TRIM66: variants seen among roughly 807,000 people sequenced by gnomAD.
TRIM66 encodes tripartite motif-containing protein 66.
Under a neutral mutation model 148.2 loss-of-function variants are expected in TRIM66, and 99 were observed. The observed-to-expected ratio is 0.67, with a 90% CI of 0.57 to 0.79. TRIM66 has a LOEUF of 0.79. TRIM66 is among the 30% of genes least tolerant of loss of function. The pLI, the probability that TRIM66 is intolerant of heterozygous loss-of-function variation, is 0.00. For synonymous variants in TRIM66, 616 were observed against 635.9 expected (o/e 0.97, Z 0.47); for missense variants, 1,666 against 1,697.9 (o/e 0.98, Z 0.33).
chr11:8,624,405 T>C lies in TRIM66; in HGVS notation c.2973A>G (p.Pro991=). 6.4e-7 allele frequency: 1 copy of C among 1,551,588 alleles called. No homozygotes were observed. The change falls in exon 17 of 25, where the codon CCA becomes CCG. Residue 991 remains proline, a synonymous_variant. Coordinates refer to ENST00000646038, the MANE Select transcript of TRIM66 (RefSeq NM_001388022.1). ...GCAGAGCTGTAGACGTGCTGACCAC[T>C]GGCGCCAGTGGAGGTTTCTTCACAG... ...NLSVKKPPLA[P]VVSTSTALQQ...
At chr11:8,625,463 T>TTGTGTGTGTGTGTGTGTGTG (rs147088164) in intron 15 of TRIM66, among the ~76,000 whole-genome samples, 3,124 of 148,162 alleles carry the variant, frequency 0.021, 67 homozygotes, top group East Asian at 0.069. Context: ...CGGAGAACTA[T>TTGTGTGTGTGTGTGTGTGTG]TGTGTGTGTG....
rs2036275115 is a variant in TRIM66, at chr11:8,640,521, A to AG, written c.1853dup (p.Pro619SerfsTer18). On this transcript the variant is annotated frameshift_variant, in exon 14 of 25. Coordinates refer to ENST00000646038, the MANE Select transcript of TRIM66 (RefSeq NM_001388022.1). LOFTEE classifies it high-confidence loss of function. ...GAGGTGGGTGTGGCTGCTGTGGGGG[A>AG]GGGGGAAGGGGAGGTGGGGGATGGG... The AG allele has an allele frequency of 1.7e-6, 1 of 575,730 alleles. No individual in the cohort carries two copies. The highest frequency in any genetic ancestry group is 2.4e-6 in the Non-Finnish European group (1 of 420,584). 35.7% of individuals were successfully genotyped at this position (575,730 alleles called of 1,614,324 possible).
chr11:8,644,079 C>T (rs990598682), intron 12 of TRIM66, among the ~76,000 whole-genome samples: 1 of 152,194 alleles, frequency 6.6e-6, no homozygotes, highest in Non-Finnish European at 1.5e-5. Flanking sequence ...ACTCCAACAA[C>T]CCACCCTGGT....
At chr11:8,636,131 T>C (rs1417269571) in intron 15 of TRIM66, among the ~76,000 whole-genome samples, 1 of 152,036 alleles carries the variant, frequency 6.6e-6, no homozygotes, top group Admixed American at 6.5e-5. Context: ...CATCCATGGC[T>C]TCACCCAGAT....
rs1257123326 is a variant in TRIM66 at position 8,621,300 on chromosome 11, C to G, written c.3277G>C (p.Glu1093Gln). Residue 1093 changes from glutamate to glutamine, a missense_variant, in exon 20 of 25, where the codon GAG becomes CAG. Coordinates refer to ENST00000646038, the MANE Select transcript of TRIM66 (RefSeq NM_001388022.1). ...SIKVSQDRLSEATQAPGLEGR... is the reference protein window; with the variant it reads ...SIKVSQDRLSQATQAPGLEGR... ...TCCAGACCTGGGGCCTGGGTGGCCT[C>G]AGACAGTCTGTCCTGGCTGACCTTG... is the stretch of plus-strand genomic sequence containing the variant. 6.4e-7 allele frequency: 1 copy of G among 1,551,386 alleles called. No individual in the cohort carries two copies. Among genetic ancestry groups the G allele is most frequent in the African/African-American group, 1.4e-5 (1 of 73,044 alleles).
intron 3 of TRIM66, among the ~76,000 whole-genome samples, chr11:8,676,324 T>C (rs149029437): frequency 2.0e-5 from 3 of 152,222 alleles, no homozygotes; most frequent in Non-Finnish European, 2.9e-5. Context: ...CAGTTTTACA[T>C]AACATTGCTT....
chr11:8,663,313 C>T (rs1333378141), intron 6 of TRIM66: 3 of 152,152 alleles, frequency 2.0e-5, no homozygotes, highest in Non-Finnish European at 4.4e-5. Context: ...ATAGTCCCCC[C>T]CTTATTCATG....
chr11:8,669,254 T>A (rs938753321), intron 6 of TRIM66, among the ~76,000 whole-genome samples: 1 of 152,210 alleles, frequency 6.6e-6, no homozygotes, highest in African/African-American at 2.4e-5. Context: ...TACTGAAGAA[T>A]TACGGTAAAG....
intron 15 of TRIM66, among the ~76,000 whole-genome samples, chr11:8,629,048 T>G (rs983156767): frequency 6.6e-6 from 1 of 152,156 alleles, no homozygotes; most frequent in Non-Finnish European, 1.5e-5. Context: ...ACAAGAAGGG[T>G]TGAAGAGAAG....
Position 8,640,646 on chromosome 11 carries a change from G to T in TRIM66, c.1729C>A (p.Pro577Thr), listed in dbSNP as rs748018906. 5.2e-6 allele frequency: 8 copies of T among 1,551,564 alleles called. No homozygotes were observed. The highest frequency in any genetic ancestry group is 2.4e-5 in the South Asian group (2 of 84,064). The change falls in exon 14 of 25, where the codon CCC becomes ACC. Residue 577 changes from proline to threonine, a missense_variant. Around this residue, in one of 3 missense-constraint regions of TRIM66, gnomAD observed 1,431 missense variants for 1,412.4 expected, o/e 1.01. Coordinates refer to ENST00000646038, the MANE Select transcript of TRIM66 (RefSeq NM_001388022.1). ...TGGCCAAACTGGACTTGGATAGAGG[G>T]TGTCTGTAAGGTGGGCTGGGCATGG... The part of the protein sequence containing the change: ...GAHAQPTLQT[P>T]SIQVQFGHHQ...
Position 8,651,906 on chromosome 11 carries a change from G to A in TRIM66, c.341-3C>T, listed in dbSNP as rs184277617. 2.1e-5 allele frequency: 32 copies of A among 1,547,780 alleles called. No individual in the cohort carries two copies. Among genetic ancestry groups the A allele is most frequent in the Middle Eastern group, 1.7e-4 (1 of 5,984 alleles). On this transcript the variant is annotated splice_region_variant and splice_polypyrimidine_tract_variant and intron_variant, in intron 6 of 24. Transcript: ENST00000646038. ...ACACCCAGGACAGGAGATGAGCTCTGTGCAAGAAAGAAAGATAGCAGAGTC... is the reference window on the plus strand; with the variant it reads ...ACACCCAGGACAGGAGATGAGCTCTATGCAAGAAAGAAAGATAGCAGAGTC...
chr11:8,643,141 A>G lies in TRIM66; in HGVS notation c.1105-15T>C, dbSNP rs1206754512. The G allele has an allele frequency of 2.6e-6, 4 of 1,547,666 alleles. No individual in the cohort carries two copies. The Admixed American group carries it at 7.9e-5, about 31-fold the overall frequency. ...TGAAACACAATCTGACAACAGCACC[A>G]AAGGTCATTTATTTGGGCATCTTGC... On this transcript the variant is annotated splice_polypyrimidine_tract_variant and intron_variant, in intron 12 of 24. Coordinates refer to ENST00000646038, the MANE Select transcript of TRIM66 (RefSeq NM_001388022.1).
At chr11:8,648,874 C>T (rs1046807078) in intron 8 of TRIM66, among the ~76,000 whole-genome samples, 1 of 152,242 alleles carries the variant, frequency 6.6e-6, no homozygotes, top group Non-Finnish European at 1.5e-5. Context: ...TTAACCTGTT[C>T]ATTAATCAGG....
intron 15 of TRIM66, among the ~76,000 whole-genome samples, chr11:8,632,432 T>C (rs1025011322): frequency 1.3e-5 from 2 of 150,702 alleles, no homozygotes; most frequent in African/African-American, 4.9e-5. Context: ...ACTTTTCTAG[T>C]AAGCAGTTTC....
chr11:8,642,972 A>C, intron 13 of TRIM66, 37 bp downstream of exon 13: 1 of 1,468,142 alleles, frequency 6.8e-7, no homozygotes, highest in South Asian at 1.3e-5. Context: ...CAAAGCCCAC[A>C]GGGTGGGTAG....
Position 8,624,343 on chromosome 11 carries a change from G to A in TRIM66, c.3019+16C>T, listed in dbSNP as rs745532352. On this transcript the variant is annotated intron_variant, in intron 17 of 24. Transcript: ENST00000646038. ...AGTCTGTGGCCAACATGAAGGGCAGGCTGCTTGAGTCTCACCTTTTGGGTT... is the reference window on the plus strand; with the variant it reads ...AGTCTGTGGCCAACATGAAGGGCAGACTGCTTGAGTCTCACCTTTTGGGTT... 9.9e-5 allele frequency: 153 copies of A among 1,547,840 alleles called. No individual in the cohort carries two copies. Among genetic ancestry groups the A allele is most frequent in the Non-Finnish European group, 1.3e-4 (146 of 1,146,252 alleles).
chr11:8,658,832 C>G, intron 6 of TRIM66: 1 of 984,848 alleles, frequency 1.0e-6, no homozygotes, highest in Non-Finnish European at 1.2e-6. Flanking sequence ...ACATTGAAAT[C>G]TGTCTCCTAC....
At chr11:8,647,934 C>T in intron 10 of TRIM66, 36 bp downstream of exon 10, 1 of 1,492,154 alleles carries the variant, frequency 6.7e-7, no homozygotes, top group Non-Finnish European at 9.2e-7. Context: ...GGGAACAGAG[C>T]ATTTCCAGCA....
chr11:8,646,594 T>C (rs1456698791), intron 10 of TRIM66, 33 bp from the exon 11 acceptor site: 1 of 1,505,876 alleles, frequency 6.6e-7, no homozygotes, highest in South Asian at 1.2e-5. Flanking sequence ...CATGGTAAGC[T>C]TTCCTCATGG....
Sources: allele counts gnomAD v4.1 joint callset (sites outside exome capture counted in the v4.1 genomes callset), GRCh38; gene constraint gnomAD v4.1.1; regional missense constraint gnomAD v4.1.1; transcripts MANE v1.5; gene names NCBI Gene and HGNC (gene_info 2026-07-23, HGNC 2026-07-21).